The following SENP5 variants were observed in gnomAD, a reference collection of about 807,000 sequenced individuals.
SENP5 encodes sentrin-specific protease 5.
In SENP5, 21 loss-of-function variants were observed where a neutral mutation model predicts 74.2. The observed-to-expected ratio is 0.28, with a 90% CI of 0.20 to 0.41. The LOEUF is 0.41. SENP5 is among the 10% of genes least tolerant of loss of function. SENP5 has a pLI of 1.00. For synonymous variants in SENP5, 311 were observed against 312.7 expected (o/e 0.99, Z 0.06); for missense variants, 717 against 889.1 (o/e 0.81, Z 2.46).
intron 9 of SENP5, among the ~76,000 whole-genome samples, chr3:196,930,582 G>A (rs1715998732): frequency 6.6e-6 from 1 of 152,142 alleles, no homozygotes; most frequent in Non-Finnish European, 1.5e-5. Context: ...AGGGATCTAG[G>A]TTGCTCACCC....
At chr3:196,889,746 G>C (rs772220460) in intron 2 of SENP5, among the ~76,000 whole-genome samples, 4 of 152,210 alleles carry the variant, frequency 2.6e-5, no homozygotes, top group Non-Finnish European at 5.9e-5. Context: ...TGGTAGATCA[G>C]AAACTGAGAA....
intron 2 of SENP5, among the ~76,000 whole-genome samples, chr3:196,891,951 C>A (rs62410819): frequency 2.0e-5 from 3 of 151,538 alleles, no homozygotes; most frequent in Non-Finnish European, 2.9e-5. Context: ...CCACCACGCC[C>A]GGCTAATTTT....
chr3:196,928,027 G>A, intron 8 of SENP5, 148 bp downstream of exon 8: 1 of 553,952 alleles, frequency 1.8e-6, no homozygotes, highest in Non-Finnish European at 3.2e-6. Flanking sequence ...ATGAACTTCA[G>A]TTGACTATTC....
At chr3:196,892,476 A>G (rs866429357) in intron 2 of SENP5, among the ~76,000 whole-genome samples, 10 of 152,182 alleles carry the variant, frequency 6.6e-5, no homozygotes, top group Admixed American at 1.3e-4. Context: ...ACAAAATTCT[A>G]TATATTTATG....
intron 6 of SENP5, among the ~76,000 whole-genome samples, chr3:196,922,813 G>A (rs1715672071): frequency 6.6e-6 from 1 of 152,116 alleles, no homozygotes; most frequent in African/African-American, 2.4e-5. Flanking sequence ...TGTAGATACA[G>A]TGTTTCGCCA....
rs1028333854 is a variant in SENP5 at position 196,931,974 on chromosome 3, C to A, written c.*1051C>A. ...CTTAGTCCCATGGGAGCGCAGCAAC[C>A]GTGTCAGGTTCTTTCTCCTGTCCCA... is the stretch of plus-strand genomic sequence containing the variant. On this transcript the variant is annotated 3_prime_UTR_variant, in exon 10 of 10. Transcript: ENST00000323460. 2.5e-5 allele frequency: 11 copies of A among 446,180 alleles called. No individual in the cohort carries two copies. The highest frequency in any genetic ancestry group is 4.5e-5 in the Non-Finnish European group (10 of 223,280). 27.6% of individuals were successfully genotyped at this position (446,180 alleles called of 1,614,324 possible). A position where few individuals can be genotyped will look rare whatever the true frequency, so the allele number is the denominator to read the frequency against.
At chr3:196,909,698 A>G (rs1197716392) in intron 6 of SENP5, among the ~76,000 whole-genome samples, 1 of 152,228 alleles carries the variant, frequency 6.6e-6, no homozygotes, top group Non-Finnish European at 1.5e-5. Flanking sequence ...AAGACCTTCG[A>G]TAAAATTCAG....
In SENP5 at chr3:196,876,517, C is replaced by CAA. The variant is rs11294142; in HGVS notation, c.-32+8460_-32+8461dup. On this transcript the variant is annotated intron_variant, in intron 1 of 9. Transcript: ENST00000323460. ...TGGGCGACAGAGCGAGATTCTGTCTCAAAAAAAAAAAAAAAAAGAAAAGAA... is the reference window on the plus strand; with the variant it reads ...TGGGCGACAGAGCGAGATTCTGTCTCAAAAAAAAAAAAAAAAAAAGAAAAGAA... Among the ~76,000 whole-genome samples, 305 of 95,408 alleles carry CAA rather than the reference C, an allele frequency of 3.2e-3. 2 individuals are homozygous for CAA. Among genetic ancestry groups the CAA allele is most frequent in the African/African-American group, 0.01 (286 of 27,542 alleles). 62.6% of individuals were successfully genotyped at this position (95,408 alleles called of 152,430 possible).
At chr3:196,872,246 T>G (rs1228683649) in intron 1 of SENP5, among the ~76,000 whole-genome samples, 2 of 152,166 alleles carry the variant, frequency 1.3e-5, no homozygotes, top group African/African-American at 2.4e-5. Context: ...TGATATTTGG[T>G]CAGTATGAAC....
chr3:196,927,617 CAG>C (rs1715861794), intron 7 of SENP5, among the ~76,000 whole-genome samples, 177 bp from the exon 8 acceptor site: 1 of 142,652 alleles, frequency 7.0e-6, no homozygotes, highest in Non-Finnish European at 1.5e-5. Context: ...GCCTGGGTGA[CAG>C]AGCAAGATCC....
At chr3:196,901,355 A>G (rs554911737) in intron 5 of SENP5, among the ~76,000 whole-genome samples, 3 of 152,144 alleles carry the variant, frequency 2.0e-5, no homozygotes, top group Admixed American at 1.3e-4. Flanking sequence ...AGCTTTTTAC[A>G]TTTAACTTAA....
chr3:196,894,116 G>GTTT (rs34480422), intron 2 of SENP5, among the ~76,000 whole-genome samples: 29 of 93,198 alleles, frequency 3.1e-4, no homozygotes, highest in African/African-American at 6.1e-4. Flanking sequence ...TATTAATGTG[G>GTTT]TTTTTTTTTT....
At chr3:196,923,912 AAT>A (rs1715718028) in intron 7 of SENP5, among the ~76,000 whole-genome samples, 1 of 152,230 alleles carries the variant, frequency 6.6e-6, no homozygotes, top group Non-Finnish European at 1.5e-5. Flanking sequence ...CAATTGACAA[AAT>A]ATTAGTGTTC....
chr3:196,916,829 A>AT (rs1715397716), intron 6 of SENP5, among the ~76,000 whole-genome samples: 1 of 151,162 alleles, frequency 6.6e-6, no homozygotes, highest in Non-Finnish European at 1.5e-5. Context: ...AGATTGACAT[A>AT]TTTTTTTAAA....
At chr3:196,915,161 G>A (rs1715320305) in intron 6 of SENP5, among the ~76,000 whole-genome samples, 1 of 152,186 alleles carries the variant, frequency 6.6e-6, no homozygotes, top group African/African-American at 2.4e-5. Context: ...AGGCAGTCAG[G>A]CCACAGGACT....
At position 196,933,342 on chromosome 3, in the gene SENP5, T is replaced by A. The variant is rs538881249; in HGVS notation, c.*2419T>A. ...ATGTTAAGTATTTTAAAAGTCATTT[T>A]AAAATATTTGTCATTGATGAAACTT... is the stretch of plus-strand genomic sequence containing the variant. On this transcript the variant is annotated 3_prime_UTR_variant, in exon 10 of 10. Transcript: ENST00000323460. The A allele has an allele frequency of 5.9e-5, 9 of 152,194 alleles. No individual in the cohort carries two copies. In the South Asian group the frequency reaches 1.5e-3, roughly 25 times the overall value. 9.4% of individuals were successfully genotyped at this position (152,194 alleles called of 1,614,324 possible). A position where few individuals can be genotyped will look rare whatever the true frequency, so the allele number is the denominator to read the frequency against.
At chr3:196,904,729 C>A (rs901637765) in intron 6 of SENP5, among the ~76,000 whole-genome samples, 2 of 151,962 alleles carry the variant, frequency 1.3e-5, no homozygotes, top group African/African-American at 2.4e-5. Flanking sequence ...GTGGAGGTTG[C>A]AGTGAGCCGA....
intron 2 of SENP5, 78 bp downstream of exon 2, chr3:196,886,772 A>AT: frequency 8.3e-7 from 1 of 1,205,004 alleles, no homozygotes; most frequent in Non-Finnish European, 1.1e-6. Context: ...TAAGAGTCCT[A>AT]TTTTTTTCTC....
At chr3:196,873,362 C>T (rs867636425) in intron 1 of SENP5, among the ~76,000 whole-genome samples, 40 of 151,806 alleles carry the variant, frequency 2.6e-4, no homozygotes, top group Middle Eastern at 6.8e-3. Context: ...CGTGAGCCAC[C>T]GCGCCCGGCC....
Sources: gnomAD v4.1 joint callset for allele counts (sites outside exome capture counted in the v4.1 genomes callset) on GRCh38, gnomAD v4.1.1 for gene constraint, MANE v1.5 for transcripts, NCBI Gene and HGNC (gene_info 2026-07-23, HGNC 2026-07-21) for gene names.